The following MELTF variants were observed in gnomAD, a reference collection of about 807,000 sequenced individuals.
The protein encoded by MELTF is melanotransferrin, also known as antigen p97 (melanoma associated) identified by monoclonal antibodies 133.2 and 96.5.
In MELTF, 67 loss-of-function variants were observed where a neutral mutation model predicts 83.7. The ratio of observed to expected loss-of-function variants is 0.80; its 90% CI spans 0.66 to 0.98. MELTF has a LOEUF of 0.98. Ranked by LOEUF, MELTF falls within the 50% of genes least tolerant of loss-of-function variation. The pLI is 0.00. For missense variants in MELTF, 1,002 were observed against 1,035.6 expected (o/e 0.97, Z 0.44); for synonymous variants, 462 against 447.6 (o/e 1.03, Z -0.41).
At chr3:197,020,982 T>C (rs1359732715) in intron 6 of MELTF, among the ~76,000 whole-genome samples, 2 of 152,024 alleles carry the variant, frequency 1.3e-5, no homozygotes, top group Non-Finnish European at 2.9e-5. Context: ...CCAAACTATA[T>C]CTTAAACCTT....
Position 197,017,115 on chromosome 3 carries a change from G to A in MELTF, c.888C>T (p.Leu296=). 3 of 1,612,012 alleles carry A rather than the reference G, an allele frequency of 1.9e-6. No individual in the cohort carries two copies. The highest frequency in any genetic ancestry group is 2.5e-6 in the Non-Finnish European group (3 of 1,179,620). ...ACCCTGAGCCCACCTGGCCTTCGTTGAGCAGCCGGAAGATGAGGCCCCCAT... is the reference window on the plus strand; with the variant it reads ...ACCCTGAGCCCACCTGGCCTTCGTTAAGCAGCCGGAAGATGAGGCCCCCAT... ...DTDGGLIFRL[L]NEGQRLFSHE... The change falls in exon 7 of 16, where the codon CTC becomes CTT. Residue 296 remains leucine (L), a synonymous_variant. Coordinates refer to ENST00000296350, the MANE Select transcript of MELTF (RefSeq NM_005929.6).
chr3:197,008,629 C>A lies in MELTF; in HGVS notation c.1750+28G>T. 6.2e-7 allele frequency: 1 copy of A among 1,608,930 alleles called. No individual in the cohort carries two copies. Among genetic ancestry groups the A allele is most frequent in the Non-Finnish European group, 8.5e-7 (1 of 1,176,996 alleles). On this transcript the variant is annotated intron_variant, in intron 13 of 15. Coordinates refer to ENST00000296350, the MANE Select transcript of MELTF (RefSeq NM_005929.6). This position sits in a 1 kb window ranked among gnomAD's most constrained non-coding sequence, Gnocchi z 5.4. ...ATGGGGAACAGTCCCCCCGACCTAC[C>A]TTTGGCCCTGCTCTTGCCCCCACCT...
Position 197,002,153 on chromosome 3 carries a change from A to G in MELTF, c.*1219T>C, listed in dbSNP as rs956763005. ...CCAGGGCCTCCTCTGCGGCTGAGAG[A>G]TGGAAGGGATCCTTCCCGACGCCCG... On this transcript the variant is annotated 3_prime_UTR_variant, in exon 16 of 16. Coordinates refer to ENST00000296350, the MANE Select transcript of MELTF (RefSeq NM_005929.6). 17 of 152,058 alleles carry G rather than the reference A, an allele frequency of 1.1e-4. No individual in the cohort carries two copies. Among genetic ancestry groups the G allele is most frequent in the Non-Finnish European group, 2.1e-4 (14 of 68,028 alleles). The allele number at this position is 152,058 out of a possible 1,614,324, so 9.4% of individuals were successfully genotyped here.
intron 14 of MELTF, among the ~76,000 whole-genome samples, chr3:197,005,213 T>C (rs1342825190): frequency 6.6e-6 from 1 of 152,200 alleles, no homozygotes. Flanking sequence ...TGGGATCTGC[T>C]GATAGATTGG....
intron 8 of MELTF, among the ~76,000 whole-genome samples, 164 bp from the exon 9 acceptor site, chr3:197,015,680 G>A (rs989276132): frequency 1.3e-5 from 2 of 152,230 alleles, no homozygotes; most frequent in Non-Finnish European, 2.9e-5. Flanking sequence ...AGGGGCAACT[G>A]TGAGGCCTGA....
At chr3:197,015,610 G>T in intron 8 of MELTF, 94 bp from the exon 9 acceptor site, 1 of 1,353,860 alleles carries the variant, frequency 7.4e-7, no homozygotes, top group Non-Finnish European at 1.0e-6. Flanking sequence ...CCTTTCTCCT[G>T]TCAGGTGTGT....
rs1180198159 is a variant in MELTF, at chr3:197,008,192, T to A, written c.1750+465A>T. ...TCCAGGAAGAAAACCCCCTGTGTGG[T>A]ATGTTGGGCGTGCCCTGCCTCGGTG... On this transcript the variant is annotated intron_variant, in intron 13 of 15. Transcript: ENST00000296350. This position sits in a 1 kb window ranked among gnomAD's most constrained non-coding sequence, Gnocchi z 5.4. Among the ~76,000 whole-genome samples, 1 of 152,112 alleles carries A rather than the reference T, an allele frequency of 6.6e-6. No individual in the cohort carries two copies. Among genetic ancestry groups the A allele is most frequent in the Non-Finnish European group, 1.5e-5 (1 of 68,014 alleles).
At position 197,003,988 on chromosome 3, in the gene MELTF, C is replaced by T. The variant is rs747297468; in HGVS notation, c.2050G>A (p.Gly684Arg). ...KDATVRAVPV[G>R]EKTTYRGWLG... ...CAGCCGCGGTAGGTGGTTTTCTCTC[C>T]GACAGGCACCGCCCGGACGGTGGCA... The change falls in exon 15 of 16, where the codon GGA becomes AGA. Residue 684 changes from glycine (G) to arginine (R), a missense_variant. Gly to Arg is a moderately radical substitution (Grantham distance 125). Transcript: ENST00000296350. This position sits in a 1 kb window ranked among gnomAD's most constrained non-coding sequence, Gnocchi z 6.2. 4.3e-6 allele frequency: 7 copies of T among 1,614,180 alleles called. No homozygotes were observed. Among genetic ancestry groups the T allele is most frequent in the Admixed American group, 3.3e-5 (2 of 60,032 alleles).
At chr3:197,017,529 T>C (rs1431211852) in intron 6 of MELTF, among the ~76,000 whole-genome samples, 1 of 152,180 alleles carries the variant, frequency 6.6e-6, no homozygotes, top group Non-Finnish European at 1.5e-5. Flanking sequence ...ATTGGAGGTA[T>C]CTGACAGTAA....
intron 10 of MELTF, 22 bp downstream of exon 10, chr3:197,010,676 A>T (rs1047374015): frequency 6.3e-7 from 1 of 1,598,354 alleles, no homozygotes; most frequent in Non-Finnish European, 8.6e-7. Flanking sequence ...GGCTGAGGCC[A>T]GGCGGCAGGC....
chr3:197,026,640 C>T lies in MELTF; in HGVS notation c.304+20G>A. On this transcript the variant is annotated intron_variant, in intron 3 of 15. Coordinates refer to ENST00000296350, the MANE Select transcript of MELTF (RefSeq NM_005929.6). ...CTTCCAGCGCAGGCTGTCCTCTCTC[C>T]TCCCACTGCACCCTCTTACCTTGAT... 6.2e-7 allele frequency: 1 copy of T among 1,607,382 alleles called. No individual in the cohort carries two copies. Among genetic ancestry groups the T allele is most frequent in the African/African-American group, 1.3e-5 (1 of 74,982 alleles).
intron 14 of MELTF, among the ~76,000 whole-genome samples, chr3:197,005,888 C>CAGTCTCCAT (rs1718956514): frequency 6.6e-6 from 1 of 151,990 alleles, no homozygotes; most frequent in African/African-American, 2.4e-5. Flanking sequence ...CTTGTTAACT[C>CAGTCTCCAT]CAGAGCAGAC....
intron 2 of MELTF, 27 bp from the exon 3 acceptor site, chr3:197,026,786 C>A: frequency 6.2e-7 from 1 of 1,602,084 alleles, no homozygotes. Flanking sequence ...CTCAGCCAAG[C>A]CTGGCCCAGC....
Position 197,015,474 on chromosome 3 carries a change from T to G in MELTF, c.1124A>C (p.Glu375Ala), listed in dbSNP as rs1322328010. The change falls in exon 9 of 16, where the codon GAG (glutamate) becomes GCG (alanine). Residue 375 changes from glutamate (E) to alanine (A), a missense_variant. Transcript: ENST00000296350. ...YLRWCVLSTP[E>A]IQKCGDMAVA... is the part of the protein sequence containing the mutation. ...GGCCATGTCTCCACACTTCTGGATC[T>G]CGGGAGTGGAGAGCACACACCAGCG... 1 of 1,611,680 alleles carries G rather than the reference T, an allele frequency of 6.2e-7. No individual in the cohort carries two copies. The highest frequency in any genetic ancestry group is 1.1e-5 in the South Asian group (1 of 90,536).
chr3:197,010,629 G>T, intron 10 of MELTF, 69 bp downstream of exon 10: 1 of 1,330,790 alleles, frequency 7.5e-7, no homozygotes. Context: ...GCTGAGGGGG[G>T]CACTCTTTTA....
At chr3:197,026,315 C>T (rs1208419590) in intron 3 of MELTF, 4 of 230,862 alleles carry the variant, frequency 1.7e-5, no homozygotes, top group Admixed American at 9.8e-5. Flanking sequence ...GTGCAGGTGG[C>T]TCGGCATTAA....
At chr3:197,021,521 C>G in intron 5 of MELTF, 50 bp from the exon 6 acceptor site, 1 of 1,558,062 alleles carries the variant, frequency 6.4e-7, no homozygotes, top group Non-Finnish European at 8.8e-7. Flanking sequence ...CTGCCCCTGC[C>G]CATCTTCCAC....
chr3:197,003,353 TG>T lies in MELTF; in HGVS notation c.*18del. The T allele has an allele frequency of 2.0e-6, 2 of 1,002,092 alleles. No homozygotes were observed. Among genetic ancestry groups the T allele is most frequent in the Middle Eastern group, 4.9e-4 (1 of 2,022 alleles). 62.1% of individuals were successfully genotyped at this position (1,002,092 alleles called of 1,614,324 possible). A position where few individuals can be genotyped will look rare whatever the true frequency, so the allele number is the denominator to read the frequency against. On this transcript the variant is annotated 3_prime_UTR_variant, in exon 16 of 16. Transcript: ENST00000296350. This position sits in a 1 kb window ranked among gnomAD's most constrained non-coding sequence, Gnocchi z 6.2. The stretch of plus-strand genomic sequence containing the variant: ...ACTCCCCGGGCGGGCATCGGAGCTC[TG>T]GGGCGGGGCGGCCGGGCTCAGAGGG...
chr3:197,019,374 C>T (rs1577939866), intron 6 of MELTF: 1 of 1,254,262 alleles, frequency 8.0e-7, no homozygotes, highest in East Asian at 3.1e-5. Context: ...CACTTCTACC[C>T]CTTGGCTCTT....
Sources: allele counts gnomAD v4.1 joint callset (sites outside exome capture counted in the v4.1 genomes callset), GRCh38; gene constraint gnomAD v4.1.1; non-coding constraint Gnocchi (gnomAD v3.1); transcripts MANE v1.5; gene names NCBI Gene and HGNC (gene_info 2026-07-23, HGNC 2026-07-21).